Variants in BBX observed in about 807,000 individuals in gnomAD.
BBX encodes the protein HMG box transcription factor BBX.
In BBX, 30 loss-of-function variants were observed where a neutral mutation model predicts 100.2. The observed-to-expected ratio is 0.30, with a 90% CI of 0.22 to 0.41. BBX has a LOEUF of 0.41. Ranked by LOEUF, BBX falls within the 10% of genes least tolerant of loss-of-function variation. The pLI, the probability that BBX is intolerant of heterozygous loss-of-function variation, is 1.00. For missense variants in BBX, 1,023 were observed against 1,129.8 expected, an observed-to-expected ratio of 0.91 and a Z score of 1.35; for synonymous variants, 376 against 388.1, an observed-to-expected ratio of 0.97 and a Z score of 0.37.
chr3:107,635,705 G>A (rs590388), intron 2 of BBX, among the ~76,000 whole-genome samples: 136,861 of 151,654 alleles, frequency 0.9, 61,864 homozygotes, highest in East Asian at 1. Context: ...ATGTGGTTCA[G>A]TATTTTCATC....
chr3:107,667,381 A>G (rs1286686862), intron 3 of BBX, among the ~76,000 whole-genome samples: 2 of 152,148 alleles, frequency 1.3e-5, no homozygotes, highest in African/African-American at 4.8e-5. Flanking sequence ...AGTGCTTCAT[A>G]AAACCTACAA....
At chr3:107,551,435 A>C (rs2049669436) in intron 2 of BBX, among the ~76,000 whole-genome samples, 1 of 152,224 alleles carries the variant, frequency 6.6e-6, no homozygotes, top group African/African-American at 2.4e-5. Flanking sequence ...GATGCTGTTT[A>C]AGTTTTGTTA....
chr3:107,695,149 C>G (rs1251951882), intron 3 of BBX, among the ~76,000 whole-genome samples: 2 of 124,800 alleles, frequency 1.6e-5, no homozygotes, highest in Non-Finnish European at 3.3e-5. Context: ...AAAACCAGCT[C>G]CTGGATTCAT....
intron 2 of BBX, among the ~76,000 whole-genome samples, chr3:107,538,471 A>G (rs2048654334): frequency 6.6e-6 from 1 of 152,124 alleles, no homozygotes; most frequent in African/African-American, 2.4e-5. Context: ...AAACAGCTAG[A>G]TGGCTTTTAA....
intron 3 of BBX, among the ~76,000 whole-genome samples, chr3:107,657,848 G>A (rs1328281132): frequency 1.3e-5 from 2 of 152,124 alleles, no homozygotes; most frequent in Non-Finnish European, 2.9e-5. Context: ...GAAAATTGGT[G>A]AAAGATAATA....
At chr3:107,530,784 C>T (rs1231620189) in intron 2 of BBX, among the ~76,000 whole-genome samples, 2 of 152,202 alleles carry the variant, frequency 1.3e-5, no homozygotes, top group Non-Finnish European at 2.9e-5. Context: ...AAACAAGTTT[C>T]CTGAAACAGG....
rs150416389 is a variant in BBX at position 107,527,085 on chromosome 3, C to T, written c.-84+687C>T. On this transcript the variant is annotated intron_variant, in intron 2 of 17. Transcript: ENST00000325805. ...TATGACTCCCAAGTGGAAAAATCTGCAAAATATGTGTGGGACAGTAAGTGT... is the reference window on the plus strand; with the variant it reads ...TATGACTCCCAAGTGGAAAAATCTGTAAAATATGTGTGGGACAGTAAGTGT... Among the ~76,000 whole-genome samples, 349 of 152,250 alleles carry T rather than the reference C, an allele frequency of 2.3e-3. 2 individuals are homozygous for T. The highest frequency in any genetic ancestry group is 7.3e-3 in the African/African-American group (304 of 41,542).
intron 13 of BBX, among the ~76,000 whole-genome samples, chr3:107,788,617 T>C (rs1226894044): frequency 6.6e-6 from 1 of 150,494 alleles, no homozygotes; most frequent in Non-Finnish European, 1.5e-5. Context: ...AAAAAAAAAA[T>C]ACAAAAAATT....
intron 2 of BBX, among the ~76,000 whole-genome samples, chr3:107,549,188 A>T (rs1384771126): frequency 1.3e-5 from 2 of 152,230 alleles, no homozygotes; most frequent in African/African-American, 4.8e-5. Flanking sequence ...AATTGTATTT[A>T]TTCAACAAAC....
In BBX at chr3:107,547,746, C is replaced by T. The variant is rs372291938; in HGVS notation, c.-84+21348C>T. The stretch of plus-strand genomic sequence containing the variant: ...CAATTTCTTGTTTCCTCCACTCCCC[C>T]ACCTCACTCTGCTCTCCTTCCTTCC... On this transcript the variant is annotated intron_variant, in intron 2 of 17. Transcript: ENST00000325805. 2.8e-4 allele frequency among the ~76,000 whole-genome samples: 42 copies of T among 152,102 alleles called. 1 individual carries two copies. In the South Asian group the frequency reaches 8.1e-3, roughly 29 times the overall value.
chr3:107,561,364 T>C (rs148548813), intron 2 of BBX, among the ~76,000 whole-genome samples: 2 of 152,288 alleles, frequency 1.3e-5, no homozygotes, highest in African/African-American at 2.4e-5. Flanking sequence ...GAAAAATATA[T>C]AGCAATTCTA....
At chr3:107,755,794 CTA>C in intron 10 of BBX, 116 bp downstream of exon 10, 1 of 866,208 alleles carries the variant, frequency 1.2e-6, no homozygotes, top group Non-Finnish European at 1.8e-6. Context: ...TGAGTTACAT[CTA>C]ATTTTCAACA....
intron 15 of BBX, among the ~76,000 whole-genome samples, chr3:107,795,706 C>T (rs898269735): frequency 1.4e-4 from 19 of 137,622 alleles, no homozygotes; most frequent in African/African-American, 4.7e-4. Context: ...ACCCTTGGGA[C>T]TTGGGTATTG....
At chr3:107,658,018 C>T (rs897984007) in intron 3 of BBX, among the ~76,000 whole-genome samples, 1 of 152,020 alleles carries the variant, frequency 6.6e-6, no homozygotes, top group African/African-American at 2.4e-5. Context: ...TATCTAAATG[C>T]CTGAAAAAAG....
intron 2 of BBX, among the ~76,000 whole-genome samples, chr3:107,564,908 G>T (rs2050771783): frequency 6.6e-6 from 1 of 152,188 alleles, no homozygotes; most frequent in Non-Finnish European, 1.5e-5. Context: ...TGAATTGCAT[G>T]CAACTAATAG....
chr3:107,672,059 T>C (rs993579885), intron 3 of BBX, among the ~76,000 whole-genome samples: 1 of 152,078 alleles, frequency 6.6e-6, no homozygotes, highest in Admixed American at 6.6e-5. Context: ...ATTTGAAACT[T>C]GGAGGCAAAT....
At chr3:107,791,123 A>G in intron 14 of BBX, 117 bp from the exon 15 acceptor site, 2 of 724,198 alleles carry the variant, frequency 2.8e-6, no homozygotes, top group Non-Finnish European at 4.7e-6. Context: ...CATAAAATTC[A>G]GCTTTATTTG....
intron 2 of BBX, among the ~76,000 whole-genome samples, chr3:107,641,514 C>T (rs1449993284): frequency 6.6e-6 from 1 of 152,208 alleles, no homozygotes; most frequent in Admixed American, 6.5e-5. Flanking sequence ...TTCTGTCCCT[C>T]CTACCTAGTG....
chr3:107,639,773 A>G (rs1282416977), intron 2 of BBX, among the ~76,000 whole-genome samples: 3 of 152,192 alleles, frequency 2.0e-5, no homozygotes, highest in Non-Finnish European at 2.9e-5. Context: ...TCTTATGGCA[A>G]TGTACATTAA....
Sources: gnomAD v4.1 joint callset for allele counts (sites outside exome capture counted in the v4.1 genomes callset) on GRCh38, gnomAD v4.1.1 for gene constraint, MANE v1.5 for transcripts, NCBI Gene and HGNC (gene_info 2026-07-23, HGNC 2026-07-21) for gene names.